The following SSH1 variants were observed in gnomAD, a reference collection of about 807,000 sequenced individuals.
SSH1 encodes protein phosphatase Slingshot homolog 1.
SSH1 carries 43 observed loss-of-function variants against 79.7 expected under a neutral mutation model. That is an observed-to-expected ratio of 0.54 (90% CI 0.42 to 0.70). The LOEUF (loss-of-function observed/expected upper bound fraction) is 0.70. Among genes scored for constraint, SSH1 ranks in the 30% least tolerant of loss-of-function variants. SSH1 has a pLI of 0.00. For missense variants in SSH1, 1,206 were observed against 1,358.8 expected, an observed-to-expected ratio of 0.89 and a Z score of 1.77; for synonymous variants, 599 against 538.3, an observed-to-expected ratio of 1.11 and a Z score of -1.56.
chr12:108,827,144 G>T, intron 2 of SSH1: 1 of 954,952 alleles, frequency 1.0e-6, no homozygotes. Flanking sequence ...ATTGAAGACA[G>T]ACAAAAAACC....
chr12:108,815,606 G>A (rs2137142997), intron 5 of SSH1, among the ~76,000 whole-genome samples: 1 of 152,272 alleles, frequency 6.6e-6, no homozygotes, highest in South Asian at 2.1e-4. Flanking sequence ...CAAATAGATG[G>A]GGCTCTGGGC....
intron 5 of SSH1, chr12:108,811,563 C>T (rs934959125): frequency 1.8e-4 from 101 of 566,998 alleles, no homozygotes; most frequent in Admixed American, 4.3e-4. Context: ...GCTGACCGCA[C>T]GCCCACTCTA....
chr12:108,825,936 G>A (rs2038292978), intron 2 of SSH1, among the ~76,000 whole-genome samples: 1 of 152,128 alleles, frequency 6.6e-6, no homozygotes, highest in South Asian at 2.1e-4. Context: ...CTTAGACACA[G>A]ATCATTTACT....
chr12:108,811,870 G>C (rs2037625039), intron 5 of SSH1, among the ~76,000 whole-genome samples: 1 of 152,184 alleles, frequency 6.6e-6, no homozygotes, highest in Non-Finnish European at 1.5e-5. Context: ...GGGAAAGAAA[G>C]GGCTTATCGG....
rs1341207208 is a variant in SSH1, at chr12:108,785,678, C to T, written c.*2310G>A. On this transcript the variant is annotated 3_prime_UTR_variant, in exon 15 of 15. Coordinates refer to ENST00000326495, the MANE Select transcript of SSH1 (RefSeq NM_018984.4). ...CTCTCCAGATTCCACACCCCACCCC[C>T]CAACTCTTTAGATAAGAAAAATTAT... is the stretch of plus-strand genomic sequence containing the variant. The T allele has an allele frequency of 2.0e-5, 3 of 152,096 alleles. No individual in the cohort carries two copies. Among genetic ancestry groups the T allele is most frequent in the Non-Finnish European group, 4.4e-5 (3 of 68,040 alleles). 9.4% of individuals were successfully genotyped at this position (152,096 alleles called of 1,614,324 possible). A position where few individuals can be genotyped will look rare whatever the true frequency, so the allele number is the denominator to read the frequency against.
At chr12:108,818,439 A>T in intron 3 of SSH1, 126 bp from the exon 4 acceptor site, 2 of 779,818 alleles carry the variant, frequency 2.6e-6, no homozygotes, top group Admixed American at 5.1e-5. Flanking sequence ...TACCTACACC[A>T]CAGGAGAATC....
intron 6 of SSH1, among the ~76,000 whole-genome samples, chr12:108,810,509 G>C (rs942066140): frequency 7.9e-5 from 12 of 151,960 alleles, no homozygotes; most frequent in African/African-American, 2.7e-4. Flanking sequence ...GTGACAGAGT[G>C]AGACTCCGTT....
intron 4 of SSH1, 60 bp from the exon 5 acceptor site, chr12:108,817,219 T>C (rs771757584): frequency 2.5e-6 from 4 of 1,603,840 alleles, no homozygotes; most frequent in African/African-American, 1.3e-5. Flanking sequence ...CTCCCTCCCA[T>C]CTCCAATGCA....
At chr12:108,822,786 A>G (rs2038171735) in intron 3 of SSH1, among the ~76,000 whole-genome samples, 1 of 152,188 alleles carries the variant, frequency 6.6e-6, no homozygotes, top group Non-Finnish European at 1.5e-5. Flanking sequence ...AAGACTTCCT[A>G]CTACAGTGTC....
intron 14 of SSH1, among the ~76,000 whole-genome samples, chr12:108,790,976 G>C (rs889093585): frequency 2.6e-5 from 4 of 152,210 alleles, no homozygotes; most frequent in African/African-American, 9.7e-5. Flanking sequence ...CAATTTCTCA[G>C]TAAGCACCAG....
rs367620838 is a variant in SSH1, at chr12:108,788,506, C to T, written c.2632G>A (p.Gly878Arg). The stretch of plus-strand genomic sequence containing the variant: ...GCGGCCTCTGACTTCTCATCACTCC[C>T]GGCCTGGCTGGGCATAACCAGGGGG... ...LGPLVMPSQA[G>R]SDEKSEAAPA... Residue 878 changes from glycine to arginine, a missense_variant, in exon 15 of 15, where the codon GGG (glycine) becomes AGG (arginine). Around this residue, in one of 5 missense-constraint regions of SSH1, gnomAD observed 709 missense variants for 730.6 expected, o/e 0.97. Coordinates refer to ENST00000326495, the MANE Select transcript of SSH1 (RefSeq NM_018984.4). 7.1e-6 allele frequency: 11 copies of T among 1,560,056 alleles called. No homozygotes were observed. Among genetic ancestry groups the T allele is most frequent in the South Asian group, 3.7e-5 (3 of 81,192 alleles).
intron 5 of SSH1, 25 bp downstream of exon 5, chr12:108,817,013 G>A (rs767026368): frequency 3.1e-6 from 5 of 1,613,218 alleles, no homozygotes; most frequent in Non-Finnish European, 4.2e-6. Flanking sequence ...CTCACAGAAG[G>A]GAACACCTAG....
At chr12:108,837,202 A>T (rs183685708) in intron 2 of SSH1, among the ~76,000 whole-genome samples, 115 of 152,350 alleles carry the variant, frequency 7.5e-4, no homozygotes, top group African/African-American at 2.6e-3. Context: ...GCTGCACTCC[A>T]GCTTGGGCGA....
intron 10 of SSH1, 55 bp downstream of exon 10, chr12:108,805,001 C>A: frequency 1.2e-6 from 2 of 1,602,320 alleles, no homozygotes; most frequent in Non-Finnish European, 1.7e-6. Context: ...TCTTAAACAA[C>A]CAGGGTCTGA....
At chr12:108,795,962 C>T (rs2036734443) in intron 13 of SSH1, among the ~76,000 whole-genome samples, 1 of 152,138 alleles carries the variant, frequency 6.6e-6, no homozygotes, top group Non-Finnish European at 1.5e-5. Context: ...GGCTGGAGTG[C>T]AGTGATGCGA....
intron 2 of SSH1, among the ~76,000 whole-genome samples, chr12:108,845,700 A>G (rs540203585): frequency 1.4e-4 from 21 of 152,324 alleles, no homozygotes; most frequent in Admixed American, 3.3e-4. Flanking sequence ...ATTTAAACAA[A>G]ATAAACATAT....
rs930851708 is a variant in SSH1, at chr12:108,779,881, G to C, written c.*8107C>G. The C allele has an allele frequency of 6.6e-6, 1 of 152,136 alleles. No individual in the cohort carries two copies. The highest frequency in any genetic ancestry group is 1.5e-5 in the Non-Finnish European group (1 of 68,050). The allele number at this position is 152,136 out of a possible 1,614,324, so 9.4% of individuals were successfully genotyped here. A position where few individuals can be genotyped will look rare whatever the true frequency, so the allele number is the denominator to read the frequency against. ...GTTGAGACGGCGTTTCACCATGTGA[G>C]CCAGGCTGGTCTTGAGCTTCTGACC... is the stretch of plus-strand genomic sequence containing the variant. On this transcript the variant is annotated 3_prime_UTR_variant, in exon 15 of 15. Transcript: ENST00000326495.
chr12:108,809,599 G>GT (rs2037472504), intron 7 of SSH1, 94 bp downstream of exon 7: 4 of 1,058,508 alleles, frequency 3.8e-6, no homozygotes, highest in African/African-American at 3.1e-5. Context: ...ATGCACATAC[G>GT]TAACGAGCTT....
chr12:108,833,239 C>A (rs902767715), intron 2 of SSH1, among the ~76,000 whole-genome samples: 1 of 151,926 alleles, frequency 6.6e-6, no homozygotes, highest in African/African-American at 2.4e-5. Flanking sequence ...CCCTGATGAC[C>A]CCAAGAGCCC....
Sources: gnomAD v4.1 joint callset for allele counts (sites outside exome capture counted in the v4.1 genomes callset) on GRCh38, gnomAD v4.1.1 for gene constraint, gnomAD v4.1.1 regional missense constraint, MANE v1.5 for transcripts, NCBI Gene and HGNC (gene_info 2026-07-23, HGNC 2026-07-21) for gene names.